Variants in CPLANE1 observed in about 807,000 individuals in gnomAD.
The protein encoded by CPLANE1 is ciliogenesis and planar polarity effector complex subunit 1, also known as ciliogenesis and planar polarity effector 1.
A neutral mutation model predicts 362.5 loss-of-function variants in CPLANE1; 263 were observed. That is an observed-to-expected ratio of 0.73 (90% CI 0.66 to 0.80). The LOEUF (loss-of-function observed/expected upper bound fraction) is 0.80, where lower values mean the gene tolerates loss of function less well. Among genes scored for constraint, CPLANE1 ranks in the 30% least tolerant of loss-of-function variants. The pLI is 0.00. For missense variants in CPLANE1, 3,461 were observed against 3,793.4 expected, an observed-to-expected ratio of 0.91 and a Z score of 2.30; for synonymous variants, 1,212 against 1,302.6, an observed-to-expected ratio of 0.93 and a Z score of 1.50.
intron 18 of CPLANE1, among the ~76,000 whole-genome samples, chr5:37,203,501 T>C (rs1177546612): frequency 1.3e-5 from 2 of 152,176 alleles, no homozygotes; most frequent in Non-Finnish European, 2.9e-5. Flanking sequence ...TAAACATTCA[T>C]GTATGGATAT....
At chr5:37,089,954 C>T in the CPLANE1 span, among the ~76,000 whole-genome samples, 43 of 152,240 alleles carry the variant, frequency 2.8e-4, no homozygotes, top group African/African-American at 8.9e-4. Context: ...GCAGCCCCAA[C>T]GGAGCCAATA....
At chr5:37,075,827 TTATC>T in the CPLANE1 span, among the ~76,000 whole-genome samples, 5 of 152,162 alleles carry the variant, frequency 3.3e-5, no homozygotes, top group Admixed American at 6.5e-5. Flanking sequence ...AGATACTTAC[TTATC>T]TATTTAGGCA....
chr5:37,244,342 G>T, intron 5 of CPLANE1, 33 bp downstream of exon 5: 1 of 1,433,484 alleles, frequency 7.0e-7, no homozygotes, highest in Non-Finnish European at 9.5e-7. Context: ...CTGCTAATCT[G>T]CTTCACAGAT....
Position 37,128,989 on chromosome 5 carries a change from C to T in CPLANE1, c.8793-3580G>A, listed in dbSNP as rs546564859. ...AAAAAGAATAAATCTGGAGGCATCACATTATGACTTCAAACTATACTATAA... is the reference window on the plus strand; with the variant it reads ...AAAAAGAATAAATCTGGAGGCATCATATTATGACTTCAAACTATACTATAA... On this transcript the variant is annotated intron_variant, in intron 46 of 52. Coordinates refer to ENST00000651892, the MANE Select transcript of CPLANE1 (RefSeq NM_001384732.1). Among the ~76,000 whole-genome samples, 11 of 152,270 alleles carry T rather than the reference C, an allele frequency of 7.2e-5. No homozygotes were observed. In the East Asian group the frequency reaches 1.7e-3, roughly 24 times the overall value.
At chr5:37,120,829 CTT>C (rs1455624247) in intron 49 of CPLANE1, among the ~76,000 whole-genome samples, 1 of 152,116 alleles carries the variant, frequency 6.6e-6, no homozygotes, top group African/African-American at 2.4e-5. Flanking sequence ...CAACGGGAAT[CTT>C]TGGTATTTGA....
chr5:37,129,288 A>C (rs1765118653), intron 46 of CPLANE1, among the ~76,000 whole-genome samples: 1 of 152,226 alleles, frequency 6.6e-6, no homozygotes, highest in Non-Finnish European at 1.5e-5. Context: ...CTAAGACCTG[A>C]AACCATAAAA....
At position 37,183,069 on chromosome 5, in the gene CPLANE1, G is replaced by A; in HGVS notation, c.5112C>T (p.His1704=). ...TAATGGACTTGGGAGTCCAAAAAAT[G>A]TGGTTTGATGATCTCTGGATTAGAC... is the stretch of plus-strand genomic sequence containing the variant. ...EKCLIQRSSN[H]IFWTPKSIKT... is the part of the protein sequence containing the mutation. The change falls in exon 26 of 53, where the codon CAC becomes CAT. Residue 1704 remains histidine, a synonymous_variant. Coordinates refer to ENST00000651892, the MANE Select transcript of CPLANE1 (RefSeq NM_001384732.1). 6.2e-7 allele frequency: 1 copy of A among 1,613,358 alleles called. No homozygotes were observed. Among genetic ancestry groups the A allele is most frequent in the Non-Finnish European group, 8.5e-7 (1 of 1,179,896 alleles).
At chr5:37,218,088 C>T (rs1299689747) in intron 15 of CPLANE1, among the ~76,000 whole-genome samples, 1 of 152,142 alleles carries the variant, frequency 6.6e-6, no homozygotes, top group Non-Finnish European at 1.5e-5. Flanking sequence ...ACTACCATAG[C>T]ATGCATGACT....
the CPLANE1 span, among the ~76,000 whole-genome samples, chr5:37,096,261 A>G: frequency 6.6e-6 from 1 of 152,236 alleles, no homozygotes; most frequent in Non-Finnish European, 1.5e-5. Context: ...AAATACTTAC[A>G]GCCAAGTGAT....
At chr5:37,076,432 C>T in the CPLANE1 span, among the ~76,000 whole-genome samples, 106 of 152,222 alleles carry the variant, frequency 7.0e-4, 1 homozygote, top group East Asian at 0.019. Flanking sequence ...ATGCCTTAGC[C>T]TCCCGAATAG....
At chr5:37,208,108 G>A (rs1056214773) in intron 16 of CPLANE1, among the ~76,000 whole-genome samples, 2 of 151,994 alleles carry the variant, frequency 1.3e-5, no homozygotes, top group African/African-American at 4.8e-5. Context: ...TGTCACCATG[G>A]CGGGCTAATT....
At position 37,115,032 on chromosome 5, in the gene CPLANE1, T is replaced by C. The variant is rs1760514581; in HGVS notation, c.9328A>G (p.Ile3110Val). The change falls in exon 51 of 53, where the codon ATA (isoleucine) becomes GTA (valine). Residue 3110 changes from isoleucine (I) to valine (V), a missense_variant. Transcript: ENST00000651892. ...PWPHGTATFT[I>V]QKKAGGAKAA... ...TTGGCTCCACCAGCTTTTTTCTGTA[T>C]GGTGAAAGTGGCAGTTCCTATACAG... 1.2e-6 allele frequency: 2 copies of C among 1,607,694 alleles called. No individual in the cohort carries two copies. Among genetic ancestry groups the C allele is most frequent in the Non-Finnish European group, 1.7e-6 (2 of 1,175,510 alleles).
chr5:37,091,838 G>A, the CPLANE1 span, among the ~76,000 whole-genome samples: 3 of 152,066 alleles, frequency 2.0e-5, no homozygotes, highest in South Asian at 2.1e-4. Flanking sequence ...CCTGGTACCG[G>A]AGATGAAGGA....
rs1405603958 is a variant in CPLANE1, at chr5:37,211,490, A to AGAAAGGAATGACATCTT, written c.2920+2052_2920+2068dup. 6.1e-5 allele frequency: 84 copies of AGAAAGGAATGACATCTT among 1,378,538 alleles called. No individual in the cohort carries two copies. The South Asian group carries it at 7.1e-4, about 12-fold the overall frequency. 85.4% of individuals were successfully genotyped at this position (1,378,538 alleles called of 1,614,324 possible). A position where few individuals can be genotyped will look rare whatever the true frequency, so the allele number is the denominator to read the frequency against. On this transcript the variant is annotated intron_variant, in intron 16 of 52. Transcript: ENST00000651892. ...AGCCTCAAGTGGGCACACTTAAAGA[A>AGAAAGGAATGACATCTT]GAAAGGAATGACATCTTGGAAGCCC...
chr5:37,148,443 T>C (rs1772411323), intron 42 of CPLANE1, among the ~76,000 whole-genome samples, 175 bp from the exon 43 acceptor site: 3 of 152,244 alleles, frequency 2.0e-5, no homozygotes, highest in Admixed American at 1.3e-4. Context: ...TTTTTACTTA[T>C]TTGTAGCTTA....
In CPLANE1 at chr5:37,180,084, A is replaced by C. The variant is rs1561513569; in HGVS notation, c.5670T>G (p.Asp1890Glu). The C allele has an allele frequency of 6.4e-7, 1 of 1,567,586 alleles. No homozygotes were observed. Among genetic ancestry groups the C allele is most frequent in the East Asian group, 2.3e-5 (1 of 43,674 alleles). ...ATGCTTCTACTTCTAAAAGATTCTCATCAATATCTATAAATTCTTTTTTAG... is the reference window on the plus strand; with the variant it reads ...ATGCTTCTACTTCTAAAAGATTCTCCTCAATATCTATAAATTCTTTTTTAG... The part of the protein sequence containing the change: ...HNTKKEFIDI[D>E]ENLLEVEAFT... Residue 1890 changes from aspartate (D) to glutamate (E), a missense_variant, in exon 28 of 53, where the codon GAT (aspartate) becomes GAG (glutamate). Around this residue, in one of 2 missense-constraint regions of CPLANE1, gnomAD observed 3,380 missense variants for 3,666.1 expected, o/e 0.92. Transcript: ENST00000651892.
chr5:37,169,994 C>T, intron 33 of CPLANE1, 47 bp downstream of exon 33: 1 of 1,572,360 alleles, frequency 6.4e-7, no homozygotes, highest in African/African-American at 1.3e-5. Flanking sequence ...GGATTACAGA[C>T]ATGAGCCACC....
intron 1 of CPLANE1, 122 bp from the exon 2 acceptor site, chr5:37,247,867 A>AC (rs1740298103): frequency 1.7e-6 from 1 of 603,174 alleles, no homozygotes; most frequent in African/African-American, 1.9e-5. Context: ...ATATGATCTC[A>AC]GCTCACTGCA....
the CPLANE1 span, chr5:37,085,406 G>T: frequency 3.5e-6 from 4 of 1,135,564 alleles, no homozygotes; most frequent in Non-Finnish European, 5.4e-6. Context: ...CACCCGAGGA[G>T]GCTAAGTACA....
Sources: allele counts gnomAD v4.1 joint callset (sites outside exome capture counted in the v4.1 genomes callset), GRCh38; gene constraint gnomAD v4.1.1; regional missense constraint gnomAD v4.1.1; transcripts MANE v1.5; gene names NCBI Gene and HGNC (gene_info 2026-07-23, HGNC 2026-07-21).